The following BLTP3B variants were observed in gnomAD, a reference collection of about 807,000 sequenced individuals.
The protein encoded by BLTP3B is bridge-like lipid transfer protein family member 3B, also known as UHRF1 (ICBP90) binding protein 1-like.
At chr12:100,138,193 C>T in the BLTP3B span, among the ~76,000 whole-genome samples, 1 of 152,222 alleles carries the variant, frequency 6.6e-6, no homozygotes, top group Non-Finnish European at 1.5e-5. Context: ...CCTGCTGCTA[C>T]TTTAAGAGGA....
chr12:100,059,038 C>G, the BLTP3B span: 1 of 1,614,094 alleles, frequency 6.2e-7, no homozygotes. Context: ...TTTAGAGATA[C>G]CTGATTACAA....
the BLTP3B span, among the ~76,000 whole-genome samples, chr12:100,120,131 C>T: frequency 3.5e-4 from 53 of 152,282 alleles, no homozygotes; most frequent in African/African-American, 1.2e-3. Flanking sequence ...AATCCCAGCA[C>T]TTCGGGAGGC....
the BLTP3B span, among the ~76,000 whole-genome samples, chr12:100,096,085 G>A: frequency 6.6e-6 from 1 of 151,852 alleles, no homozygotes; most frequent in African/African-American, 2.4e-5. Flanking sequence ...AAACCCTGTC[G>A]CTACTAAAAA....
chr12:100,085,646 G>A, the BLTP3B span, among the ~76,000 whole-genome samples: 8 of 152,046 alleles, frequency 5.3e-5, no homozygotes, highest in Non-Finnish European at 7.4e-5. Context: ...TAAATGTCCT[G>A]GAAAACTCTA....
At chr12:100,101,614 A>C in the BLTP3B span, among the ~76,000 whole-genome samples, 1 of 152,222 alleles carries the variant, frequency 6.6e-6, no homozygotes, top group Non-Finnish European at 1.5e-5. Context: ...GAGTGCAAAA[A>C]AGCAGACAAC....
At chr12:100,065,668 G>A in the BLTP3B span, among the ~76,000 whole-genome samples, 2 of 152,134 alleles carry the variant, frequency 1.3e-5, no homozygotes, top group East Asian at 3.9e-4. Flanking sequence ...CCAGTGATCT[G>A]ATCTTGAACC....
At chr12:100,037,624 C>T in the BLTP3B span, 3 of 1,606,652 alleles carry the variant, frequency 1.9e-6, no homozygotes, top group Non-Finnish European at 2.5e-6. Context: ...TCAGTTTTGA[C>T]TGCCACTCCT....
chr12:100,142,547 C>A, the BLTP3B span: 1 of 1,595,130 alleles, frequency 6.3e-7, no homozygotes, highest in Non-Finnish European at 8.5e-7. Context: ...CCAGTGCGGG[C>A]TGGGGTGGAG....
At chr12:100,109,360 C>T in the BLTP3B span, among the ~76,000 whole-genome samples, 93 of 152,090 alleles carry the variant, frequency 6.1e-4, no homozygotes, top group Non-Finnish European at 1.2e-3. Context: ...AGTATAAAAA[C>T]GGACTAAGAC....
At chr12:100,086,395 C>G in the BLTP3B span, 1 of 1,315,270 alleles carries the variant, frequency 7.6e-7, no homozygotes, top group Non-Finnish European at 1.0e-6. Flanking sequence ...AATATTAAGT[C>G]AATTATCAGA....
At chr12:100,073,967 G>C in the BLTP3B span, among the ~76,000 whole-genome samples, 1 of 152,092 alleles carries the variant, frequency 6.6e-6, no homozygotes, top group South Asian at 2.1e-4. Flanking sequence ...AACAAGACAA[G>C]GATGCCCCCT....
At chr12:100,059,270 A>T in the BLTP3B span, 1 of 1,613,902 alleles carries the variant, frequency 6.2e-7, no homozygotes, top group Non-Finnish European at 8.5e-7. Context: ...TATAAATTTC[A>T]TGCATTTTGG....
the BLTP3B span, among the ~76,000 whole-genome samples, chr12:100,041,029 C>A: frequency 6.6e-6 from 1 of 152,110 alleles, no homozygotes; most frequent in East Asian, 1.9e-4. Context: ...ACACTAAGAC[C>A]AATATGCTGA....
the BLTP3B span, among the ~76,000 whole-genome samples, chr12:100,099,382 C>G: frequency 6.6e-6 from 1 of 151,470 alleles, no homozygotes; most frequent in Admixed American, 6.6e-5. Context: ...AATCTCAGCA[C>G]TTTGGGAGGC....
At chr12:100,042,537 C>T in the BLTP3B span, among the ~76,000 whole-genome samples, 13 of 152,184 alleles carry the variant, frequency 8.5e-5, no homozygotes, top group South Asian at 2.1e-4. Context: ...CTAAATTTAA[C>T]GGCTAATTCT....
At chr12:100,085,345 TC>T in the BLTP3B span, among the ~76,000 whole-genome samples, 10,366 of 144,964 alleles carry the variant, frequency 0.072, 380 homozygotes, top group South Asian at 0.09. Flanking sequence ...AGGCCTTGGA[TC>T]AAAAAAAAAA....
chr12:100,136,327 T>A, the BLTP3B span, among the ~76,000 whole-genome samples: 3 of 150,678 alleles, frequency 2.0e-5, no homozygotes, highest in South Asian at 2.1e-4. Flanking sequence ...AGCAATAAAA[T>A]TTTTTTTATT....
At chr12:100,111,431 C>T in the BLTP3B span, among the ~76,000 whole-genome samples, 10 of 151,572 alleles carry the variant, frequency 6.6e-5, no homozygotes, top group East Asian at 1.2e-3. Context: ...GCTGGGACCA[C>T]CACACCCAGC....
the BLTP3B span, among the ~76,000 whole-genome samples, chr12:100,081,993 T>C: frequency 6.6e-6 from 1 of 152,236 alleles, no homozygotes; most frequent in African/African-American, 2.4e-5. Context: ...TCCAAACTGC[T>C]TTCCACAGTG....
Sources: allele counts gnomAD v4.1 joint callset (sites outside exome capture counted in the v4.1 genomes callset), GRCh38; gene constraint gnomAD v4.1.1; transcripts MANE v1.5; gene names NCBI Gene and HGNC (gene_info 2026-07-23, HGNC 2026-07-21).